Variants in RORA observed in about 807,000 individuals in gnomAD.
RORA encodes RAR related orphan receptor A.
RORA carries 7 observed loss-of-function variants against 69.5 expected under a neutral mutation model. That is an observed-to-expected ratio of 0.10 (90% CI 0.06 to 0.19). RORA has a LOEUF of 0.19. Among genes scored for constraint, RORA ranks in the 10% least tolerant of loss-of-function variants. The probability of loss-of-function intolerance (pLI) is 1.00; values close to 1 mark genes in which losing one functional copy is unlikely to be tolerated. For synonymous variants in RORA, 261 were observed against 240.8 expected (o/e 1.08, Z -0.78); for missense variants, 457 against 663.0 (o/e 0.69, Z 3.41).
At chr15:60,862,420 G>A (rs4775304) in intron 1 of RORA, among the ~76,000 whole-genome samples, 50,900 of 152,120 alleles carry the variant, frequency 0.33, 8,747 homozygotes, top group South Asian at 0.36. Flanking sequence ...CAATTACCCA[G>A]TAAAGAGGGA....
chr15:61,198,548 C>T (rs746989694), intron 1 of RORA, among the ~76,000 whole-genome samples: 33 of 151,914 alleles, frequency 2.2e-4, no homozygotes, highest in South Asian at 4.2e-4. Flanking sequence ...TTTTCAAGGA[C>T]GACTGTAGGA....
In RORA at chr15:60,531,017, TC is replaced by T. The variant is rs1232543866; in HGVS notation, c.282+748del. On this transcript the variant is annotated intron_variant, in intron 3 of 10. Coordinates refer to ENST00000335670, the MANE Select transcript of RORA (RefSeq NM_134261.3). This position sits in a 1 kb window ranked among gnomAD's most constrained non-coding sequence, Gnocchi z 4.8. Reference sequence around the variant, plus strand: ...GGGTCTTGAATTATTGGGATAAACATCTCTGTTTCTCATCTGCACATTATGC... The same window carrying T: ...GGGTCTTGAATTATTGGGATAAACATTCTGTTTCTCATCTGCACATTATGC... 6 of 152,232 alleles carry T rather than the reference TC, an allele frequency of 3.9e-5. No individual in the cohort carries two copies. The highest frequency in any genetic ancestry group is 1.4e-4 in the African/African-American group (6 of 41,458). 9.4% of individuals were successfully genotyped at this position (152,232 alleles called of 1,614,324 possible). A position where few individuals can be genotyped will look rare whatever the true frequency, so the allele number is the denominator to read the frequency against.
intron 1 of RORA, among the ~76,000 whole-genome samples, chr15:60,693,026 A>G (rs985636487): frequency 2.0e-5 from 3 of 152,228 alleles, no homozygotes; most frequent in Non-Finnish European, 1.5e-5. Context: ...AATATCCCTG[A>G]TGAACATTGA....
chr15:61,228,130 A>C (rs2080165164), intron 1 of RORA, among the ~76,000 whole-genome samples: 1 of 151,836 alleles, frequency 6.6e-6, no homozygotes, highest in Non-Finnish European at 1.5e-5. Context: ...TACAACTTGC[A>C]CTGACCATCC....
chr15:60,760,897 T>A (rs1247751851), intron 1 of RORA, among the ~76,000 whole-genome samples: 1 of 151,806 alleles, frequency 6.6e-6, no homozygotes, highest in South Asian at 2.1e-4. Flanking sequence ...TGCCTGATAT[T>A]TGTAACCACT....
rs114569834 is a variant in RORA, at chr15:60,807,689, T to C, written c.167-129003A>G. ...GACTTCAAACTATACTATACGGCCA[T>C]AGTCACCAAAACAGCATGATCTTGG... On this transcript the variant is annotated intron_variant, in intron 1 of 10. Transcript: ENST00000335670. Among the ~76,000 whole-genome samples the C allele has an allele frequency of 9.4e-3, 1,433 of 152,210 alleles. 23 individuals are homozygous for C. Among genetic ancestry groups the C allele is most frequent in the African/African-American group, 0.033 (1,363 of 41,520 alleles).
At chr15:61,012,600 A>G (rs527473740) in intron 1 of RORA, among the ~76,000 whole-genome samples, 7 of 152,226 alleles carry the variant, frequency 4.6e-5, no homozygotes, top group African/African-American at 1.7e-4. Flanking sequence ...TGTTTTTTTG[A>G]TCAAATATCC....
chr15:60,823,555 CA>C (rs1384356786), intron 1 of RORA, among the ~76,000 whole-genome samples: 13 of 152,204 alleles, frequency 8.5e-5, no homozygotes, highest in African/African-American at 3.1e-4. Flanking sequence ...ACATAATCAA[CA>C]AATGGATGGA....
intron 1 of RORA, among the ~76,000 whole-genome samples, chr15:60,790,810 A>C (rs1256139838): frequency 6.6e-6 from 1 of 152,130 alleles, no homozygotes; most frequent in Non-Finnish European, 1.5e-5. Context: ...CATGAAGAAA[A>C]CTTCTGGCCT....
chr15:61,063,205 G>A (rs2078211301), intron 1 of RORA, among the ~76,000 whole-genome samples: 2 of 152,292 alleles, frequency 1.3e-5, no homozygotes, highest in South Asian at 4.1e-4. Flanking sequence ...CCTTCACGGC[G>A]TGGAGCTGCT....
At chr15:60,943,700 G>C (rs1048698218) in intron 1 of RORA, among the ~76,000 whole-genome samples, 1 of 151,928 alleles carries the variant, frequency 6.6e-6, no homozygotes, top group African/African-American at 2.4e-5. Context: ...GGGATTGCCT[G>C]AGCTCAGGAG....
intron 1 of RORA, among the ~76,000 whole-genome samples, chr15:60,944,528 G>A (rs970183298): frequency 6.6e-6 from 1 of 151,946 alleles, no homozygotes; most frequent in Non-Finnish European, 1.5e-5. Context: ...ACCAGCTTGG[G>A]CAACATAGTG....
intron 1 of RORA, among the ~76,000 whole-genome samples, chr15:60,794,436 T>G (rs1296073609): frequency 6.6e-6 from 1 of 152,230 alleles, no homozygotes; most frequent in Non-Finnish European, 1.5e-5. Context: ...TTAGATAGAT[T>G]TGAACATGGT....
chr15:60,692,721 T>C (rs55893684), intron 1 of RORA, among the ~76,000 whole-genome samples: 9 of 152,288 alleles, frequency 5.9e-5, no homozygotes, highest in Non-Finnish European at 8.8e-5. Flanking sequence ...TGCATTCATG[T>C]TTGAAATTTT....
At chr15:61,225,359 C>T (rs574458877) in intron 1 of RORA, among the ~76,000 whole-genome samples, 40 of 152,120 alleles carry the variant, frequency 2.6e-4, no homozygotes, top group African/African-American at 9.4e-4. Context: ...CTAGAAAGGG[C>T]GCTAAATTGC....
intron 1 of RORA, among the ~76,000 whole-genome samples, chr15:60,790,364 A>T (rs555689543): frequency 9.8e-5 from 15 of 152,316 alleles, no homozygotes; most frequent in African/African-American, 3.6e-4. Flanking sequence ...CTCAACTACA[A>T]ATGTTGATGT....
chr15:61,011,957 G>A (rs1895100885), intron 1 of RORA, among the ~76,000 whole-genome samples: 1 of 152,246 alleles, frequency 6.6e-6, no homozygotes, highest in Non-Finnish European at 1.5e-5. Context: ...GAAACAAAGA[G>A]CTGAGAGATC....
chr15:60,819,777 A>G (rs868714895), intron 1 of RORA, among the ~76,000 whole-genome samples: 5 of 125,494 alleles, frequency 4.0e-5, no homozygotes, highest in Admixed American at 8.1e-5. Flanking sequence ...ACACACACAC[A>G]CACACACACA....
intron 10 of RORA, among the ~76,000 whole-genome samples, chr15:60,499,002 C>T (rs2065249839): frequency 6.6e-6 from 1 of 152,050 alleles, no homozygotes; most frequent in South Asian, 2.1e-4. Flanking sequence ...AGCAATGGCA[C>T]TGAAGGATAT....
Sources: allele counts gnomAD v4.1 joint callset (sites outside exome capture counted in the v4.1 genomes callset), GRCh38; gene constraint gnomAD v4.1.1; non-coding constraint Gnocchi (gnomAD v3.1); transcripts MANE v1.5; gene names NCBI Gene and HGNC (gene_info 2026-07-23, HGNC 2026-07-21).